The following CPAMD8 variants were observed in gnomAD, a reference collection of about 807,000 sequenced individuals.
CPAMD8 encodes the protein C3 and PZP like alpha-2-macroglobulin domain containing 8.
CPAMD8 carries 146 observed loss-of-function variants against 224.7 expected under a neutral mutation model. The ratio of observed to expected loss-of-function variants is 0.65; its 90% CI spans 0.57 to 0.75. The LOEUF is 0.75. Among genes scored for constraint, CPAMD8 ranks in the 30% least tolerant of loss-of-function variants. CPAMD8 has a pLI of 0.00. For synonymous variants in CPAMD8, 966 were observed against 1,044.6 expected (o/e 0.92, Z 1.45); for missense variants, 2,301 against 2,537.5 (o/e 0.91, Z 2.00).
rs551503616 is a variant in CPAMD8 at position 16,920,710 on chromosome 19, G to A, written c.3629+1195C>T. 2.6e-5 allele frequency among the ~76,000 whole-genome samples: 4 copies of A among 152,026 alleles called. No individual in the cohort carries two copies. In the South Asian group the frequency reaches 6.2e-4, roughly 24 times the overall value. On this transcript the variant is annotated intron_variant, in intron 27 of 41. Coordinates refer to ENST00000443236, the MANE Select transcript of CPAMD8 (RefSeq NM_015692.5). ...GTCCCTACTAAAAATACAAAAATTAGCTGGGCATGATGGTGCACACCTGTA... is the reference window on the plus strand; with the variant it reads ...GTCCCTACTAAAAATACAAAAATTAACTGGGCATGATGGTGCACACCTGTA...
rs200837468 is a variant in CPAMD8 at position 16,993,576 on chromosome 19, G to A, written c.1106C>T (p.Ser369Phe). Residue 369 changes from serine (S) to phenylalanine (F), a missense_variant, in exon 12 of 42, where the codon TCC becomes TTC. Transcript: ENST00000443236. ...CTCAGCTGGGCTGCCATCGGGGTAGGATAGCTCCACCTAGAAAAGGTCACC... is the reference window on the plus strand; with the variant it reads ...CTCAGCTGGGCTGCCATCGGGGTAGAATAGCTCCACCTAGAAAAGGTCACC... ...GLAYVGKVEL[S>F]YPDGSPAEGV... 3.3e-4 allele frequency: 525 copies of A among 1,614,016 alleles called. 2 individuals are homozygous for A. The highest frequency in any genetic ancestry group is 4.2e-4 in the Non-Finnish European group (499 of 1,180,016).
intron 18 of CPAMD8, among the ~76,000 whole-genome samples, chr19:16,967,725 C>T (rs1208379094): frequency 1.3e-5 from 2 of 151,416 alleles, no homozygotes; most frequent in African/African-American, 2.4e-5. Flanking sequence ...AGGAGAATGG[C>T]ATGAAACCGG....
At chr19:17,007,265 C>A (rs974708561) in intron 7 of CPAMD8, among the ~76,000 whole-genome samples, 1 of 151,336 alleles carries the variant, frequency 6.6e-6, no homozygotes, top group African/African-American at 2.4e-5. Context: ...ACCCGGGAGG[C>A]GGAGGTGGCA....
chr19:16,897,533 A>G (rs2052067952), intron 39 of CPAMD8, 158 bp downstream of exon 39: 1 of 561,534 alleles, frequency 1.8e-6, no homozygotes, highest in African/African-American at 2.0e-5. Context: ...CCTCCCCCGT[A>G]CAGGCAGAGC....
intron 40 of CPAMD8, 35 bp downstream of exon 40, chr19:16,896,421 T>C (rs2051992565): frequency 6.8e-7 from 1 of 1,480,122 alleles, no homozygotes. Context: ...GCAGCGATGG[T>C]GTCCCCGAGG....
chr19:16,911,281 G>A (rs1274991483), intron 29 of CPAMD8, among the ~76,000 whole-genome samples: 1 of 152,052 alleles, frequency 6.6e-6, no homozygotes, highest in Non-Finnish European at 1.5e-5. Context: ...ACCATCAGCA[G>A]CATTAGATTC....
chr19:16,963,492 A>G (rs952285295), intron 18 of CPAMD8, among the ~76,000 whole-genome samples: 13 of 152,232 alleles, frequency 8.5e-5, no homozygotes, highest in Non-Finnish European at 4.4e-5. Context: ...AGAAGAGCTA[A>G]CTATCCTAAA....
At chr19:16,991,176 T>A (rs944399196) in intron 12 of CPAMD8, among the ~76,000 whole-genome samples, 7 of 152,144 alleles carry the variant, frequency 4.6e-5, no homozygotes, top group Admixed American at 1.3e-4. Context: ...GGGGATTACA[T>A]ATCCTGGTTC....
chr19:16,950,660 G>A (rs2054267998), intron 20 of CPAMD8, among the ~76,000 whole-genome samples: 1 of 151,956 alleles, frequency 6.6e-6, no homozygotes, highest in African/African-American at 2.4e-5. Context: ...AGGCATGGTG[G>A]TGCACACCTG....
intron 8 of CPAMD8, among the ~76,000 whole-genome samples, chr19:17,003,663 A>C (rs1456349186): frequency 6.6e-6 from 1 of 151,172 alleles, no homozygotes; most frequent in East Asian, 2.1e-4. Flanking sequence ...TTGTAGTCCC[A>C]GCAACTCAGG....
chr19:16,905,458 G>A (rs1206296301), intron 30 of CPAMD8, among the ~76,000 whole-genome samples: 3 of 134,380 alleles, frequency 2.2e-5, no homozygotes, highest in Non-Finnish European at 4.6e-5. Flanking sequence ...GTGCATGCCT[G>A]TAATCCTGGC....
Position 16,906,386 on chromosome 19 carries a change from CTTTCTTTCTTTCT to C in CPAMD8, c.4027+553_4027+565del, listed in dbSNP as rs1568459574. ...TCTTTCTTTCTTTCTTTCTTTCTTT[CTTTCTTTCTTTCT>C]TTCTTTCTTTCCTTCCTTCCTTCCT... is the stretch of plus-strand genomic sequence containing the variant. On this transcript the variant is annotated intron_variant, in intron 30 of 41. Coordinates refer to ENST00000443236, the MANE Select transcript of CPAMD8 (RefSeq NM_015692.5). 6.2e-4 allele frequency among the ~76,000 whole-genome samples: 47 copies of C among 75,570 alleles called. 1 individual carries two copies. Among genetic ancestry groups the C allele is most frequent in the Non-Finnish European group, 8.7e-4 (29 of 33,290 alleles). 49.6% of individuals were successfully genotyped at this position (75,570 alleles called of 152,430 possible).
rs537256144 is a variant in CPAMD8 at position 16,978,989 on chromosome 19, TATCCATCTGTTCATCC to T, written c.1586-1465_1586-1450del. Among the ~76,000 whole-genome samples, 1,128 of 148,612 alleles carry T rather than the reference TATCCATCTGTTCATCC, an allele frequency of 7.6e-3. 13 individuals carry two copies. The highest frequency in any genetic ancestry group is 0.024 in the African/African-American group (979 of 40,470). On this transcript the variant is annotated intron_variant, in intron 14 of 41. Coordinates refer to ENST00000443236, the MANE Select transcript of CPAMD8 (RefSeq NM_015692.5). Reference sequence around the variant, plus strand: ...CCCACCCATCCACCATCCAATCATCTATCCATCTGTTCATCCATCCATCTGTTCATCCATCCATCAT... The same window carrying T: ...CCCACCCATCCACCATCCAATCATCTATCCATCTGTTCATCCATCCATCAT...
intron 5 of CPAMD8, among the ~76,000 whole-genome samples, chr19:17,009,883 A>T (rs1038620109): frequency 3.9e-5 from 6 of 152,182 alleles, no homozygotes; most frequent in African/African-American, 1.4e-4. Context: ...TCCTGATACA[A>T]GGCACCGGGG....
rs1568609661 is a variant in CPAMD8 at position 17,018,715 on chromosome 19, A to ACAC, written c.267+1615_267+1616insGTG. On this transcript the variant is annotated intron_variant, in intron 3 of 41. Transcript: ENST00000443236. ...ATGGTAAAACCCCATCTCTACTAAA[A>ACAC]ATACACACACACACACACACACACA... is the stretch of plus-strand genomic sequence containing the variant. Among the ~76,000 whole-genome samples, 269 of 108,094 alleles carry ACAC rather than the reference A, an allele frequency of 2.5e-3. 1 individual carries two copies. The highest frequency in any genetic ancestry group is 0.014 in the African/African-American group (258 of 18,670). 70.9% of individuals were successfully genotyped at this position (108,094 alleles called of 152,430 possible). A position where few individuals can be genotyped will look rare whatever the true frequency, so the allele number is the denominator to read the frequency against.
chr19:17,021,958 C>G (rs1489085878), intron 2 of CPAMD8, 72 bp downstream of exon 2: 8 of 1,461,848 alleles, frequency 5.5e-6, no homozygotes, highest in African/African-American at 2.8e-5. Context: ...ACTGCCCCAG[C>G]CCTGAAGGCC....
At chr19:17,022,771 T>C (rs904559571) in intron 1 of CPAMD8, among the ~76,000 whole-genome samples, 3 of 152,036 alleles carry the variant, frequency 2.0e-5, no homozygotes, top group Admixed American at 6.5e-5. Flanking sequence ...AGTTCTGGGA[T>C]TAGAGGTGTG....
In CPAMD8 at chr19:17,000,437, G is replaced by C. The variant is rs755183145; in HGVS notation, c.844C>G (p.Arg282Gly). Residue 282 changes from arginine (R) to glycine (G), a missense_variant, in exon 10 of 42, where the codon CGC becomes GGC. By Grantham distance (125) the Arg-to-Gly change is moderately radical. This residue lies in a region of CPAMD8 where 301 missense variants were observed against 406.6 expected (regional missense o/e 0.74). Coordinates refer to ENST00000443236, the MANE Select transcript of CPAMD8 (RefSeq NM_015692.5). ...ACCTTGGTTGTTCTGAGGACAGGGC[G>C]TCCCACCTCGTGGCTGTAGTACCCT... ...GVGYYSHEVG[R>G]PVLRTTKILG... The C allele has an allele frequency of 4.7e-6, 7 of 1,499,000 alleles. No homozygotes were observed. Among genetic ancestry groups the C allele is most frequent in the Non-Finnish European group, 6.5e-6 (7 of 1,074,826 alleles). 92.9% of individuals were successfully genotyped at this position (1,499,000 alleles called of 1,614,324 possible).
chr19:16,927,819 C>T lies in CPAMD8; in HGVS notation c.3370+190G>A, dbSNP rs567349952. ...GGTGGGGTTGGGATCAGCTCTTGGG[C>T]TTCCTCAATGCCCAGCACATGGATG... On this transcript the variant is annotated intron_variant, in intron 25 of 41. Transcript: ENST00000443236. Among the ~76,000 whole-genome samples the T allele has an allele frequency of 3.1e-4, 47 of 152,340 alleles. No homozygotes were observed. The South Asian group carries it at 9.3e-3, about 30-fold the overall frequency.
Sources: allele counts gnomAD v4.1 joint callset (sites outside exome capture counted in the v4.1 genomes callset), GRCh38; gene constraint gnomAD v4.1.1; regional missense constraint gnomAD v4.1.1; transcripts MANE v1.5; gene names NCBI Gene and HGNC (gene_info 2026-07-23, HGNC 2026-07-21).